The following PML variants were observed in gnomAD, a reference collection of about 807,000 sequenced individuals.
PML encodes the protein PML nuclear body scaffold, also known as protein PML.
In PML, 28 loss-of-function variants were observed where a neutral mutation model predicts 65.2. The ratio of observed to expected loss-of-function variants is 0.43; its 90% CI spans 0.32 to 0.59. PML has a LOEUF of 0.59. Ranked by LOEUF, PML falls within the 20% of genes least tolerant of loss-of-function variation. The probability of loss-of-function intolerance (pLI) is 0.08; values close to 1 mark genes in which losing one functional copy is unlikely to be tolerated. For synonymous variants in PML, 500 were observed against 508.8 expected (o/e 0.98, Z 0.23); for missense variants, 1,021 against 1,203.4 (o/e 0.85, Z 2.24).
In PML at chr15:74,034,471, G is replaced by A. The variant is rs1472449256; in HGVS notation, c.1658-7G>A. On this transcript the variant is annotated splice_polypyrimidine_tract_variant and splice_region_variant and intron_variant, in intron 6 of 8. Transcript: ENST00000268058. ...GTTCATAATGCATCTCCCCTTCCCCGTTTCAGAGGAACGCGTTGTGGTGAT... is the reference window on the plus strand; with the variant it reads ...GTTCATAATGCATCTCCCCTTCCCCATTTCAGAGGAACGCGTTGTGGTGAT... 1.3e-5 allele frequency: 21 copies of A among 1,614,076 alleles called. No individual in the cohort carries two copies. The highest frequency in any genetic ancestry group is 1.6e-5 in the Non-Finnish European group (19 of 1,180,006).
At chr15:74,026,623 A>C (rs149914107) in intron 4 of PML, 1 of 152,206 alleles carries the variant, frequency 6.6e-6, no homozygotes, top group Admixed American at 6.5e-5. Flanking sequence ...CTCCCACTTT[A>C]GCCCCCAGTT....
In PML at chr15:74,045,155, C is replaced by A; in HGVS notation, c.*147C>A. On this transcript the variant is annotated 3_prime_UTR_variant, in exon 9 of 9. Coordinates refer to ENST00000268058, the MANE Select transcript of PML (RefSeq NM_033238.3). ...CAGAATCAGTTCCCTTTCTCTGGGA[C>A]CAAATTTCCCTTCTCTAAACATCCT... is the stretch of plus-strand genomic sequence containing the variant. 3 of 720,310 alleles carry A rather than the reference C, an allele frequency of 4.2e-6. No individual in the cohort carries two copies. Among genetic ancestry groups the A allele is most frequent in the South Asian group, 3.8e-5 (2 of 52,452 alleles). 44.6% of individuals were successfully genotyped at this position (720,310 alleles called of 1,614,324 possible). A position where few individuals can be genotyped will look rare whatever the true frequency, so the allele number is the denominator to read the frequency against.
rs1054548926 is a variant in PML, at chr15:74,043,736, A to G, written c.1862-485A>G. 1.9e-6 allele frequency: 1 copy of G among 528,778 alleles called. No homozygotes were observed. Among genetic ancestry groups the G allele is most frequent in the African/African-American group, 1.9e-5 (1 of 52,370 alleles). 32.8% of individuals were successfully genotyped at this position (528,778 alleles called of 1,614,324 possible). A position where few individuals can be genotyped will look rare whatever the true frequency, so the allele number is the denominator to read the frequency against. ...CAGAAACAGCAAGTGTTTTCATGGT[A>G]CAGAAAAGTCATTTGCAGACCTCAG... On this transcript the variant is annotated intron_variant, in intron 8 of 8. Coordinates refer to ENST00000268058, the MANE Select transcript of PML (RefSeq NM_033238.3). The surrounding 1 kb of genome is among the most constrained non-coding windows in gnomAD (Gnocchi z 4.3).
chr15:74,046,370 C>T lies in PML; in HGVS notation c.*1362C>T, dbSNP rs2071771306. ...CTTCCCATCCCTACTCATTAGCTCCCTGCTCCTGGGATGCTTCCCAAGCAG... is the reference window on the plus strand; with the variant it reads ...CTTCCCATCCCTACTCATTAGCTCCTTGCTCCTGGGATGCTTCCCAAGCAG... On this transcript the variant is annotated 3_prime_UTR_variant, in exon 9 of 9. Transcript: ENST00000268058. 4.3e-6 allele frequency: 1 copy of T among 233,120 alleles called. No homozygotes were observed. The allele number at this position is 233,120 out of a possible 1,614,324, so 14.4% of individuals were successfully genotyped here. A position where few individuals can be genotyped will look rare whatever the true frequency, so the allele number is the denominator to read the frequency against.
chr15:73,994,797 A>G lies in PML; in HGVS notation c.-16A>G, dbSNP rs2069387956. 6.4e-7 allele frequency: 1 copy of G among 1,551,618 alleles called. No homozygotes were observed. The highest frequency in any genetic ancestry group is 2.0e-5 in the Admixed American group (1 of 51,106). On this transcript the variant is annotated 5_prime_UTR_variant, in exon 1 of 9. Transcript: ENST00000268058. ...CTCCAAGATCTAAACCGAGAATCGAAACTAAGCTGGGGTCCATGGAGCCTG... is the reference window on the plus strand; with the variant it reads ...CTCCAAGATCTAAACCGAGAATCGAGACTAAGCTGGGGTCCATGGAGCCTG...
chr15:74,033,471 C>A, intron 6 of PML, 57 bp downstream of exon 6: 1 of 1,595,192 alleles, frequency 6.3e-7, no homozygotes, highest in Non-Finnish European at 8.5e-7. Flanking sequence ...CTGGGCGGTG[C>A]CCCTCTTCTG....
intron 7 of PML, chr15:74,034,854 G>T: frequency 7.0e-7 from 1 of 1,438,228 alleles, no homozygotes; most frequent in South Asian, 1.5e-5. Context: ...TCCTCAGTGA[G>T]GAGGGCTGGA....
At chr15:74,027,779 T>C in intron 4 of PML, 1 of 152,138 alleles carries the variant, frequency 6.6e-6, no homozygotes, top group Non-Finnish European at 1.5e-5. Context: ...TATCAGAGGG[T>C]TGCTCTTTTT....
At position 74,033,318 on chromosome 15, in the gene PML, C is replaced by T. The variant is rs1463802797; in HGVS notation, c.1561C>T (p.His521Tyr). The change falls in exon 6 of 9, where the codon CAC (histidine) becomes TAC (tyrosine). Residue 521 changes from histidine (H) to tyrosine (Y), a missense_variant. Physicochemically the swap from His to Tyr is moderately conservative, Grantham distance 83. Transcript: ENST00000268058. ...PSTSKAVSPP[H>Y]LDGPPSPRSP... ...CACCTCCAAGGCAGTCTCACCACCCCACCTGGATGGACCGCCTAGCCCCAG... is the reference window on the plus strand; with the variant it reads ...CACCTCCAAGGCAGTCTCACCACCCTACCTGGATGGACCGCCTAGCCCCAG... The T allele has an allele frequency of 2.5e-6, 4 of 1,614,086 alleles. No homozygotes were observed. The highest frequency in any genetic ancestry group is 2.7e-5 in the African/African-American group (2 of 74,932).
chr15:74,025,539 G>A (rs1460833114), intron 4 of PML: 2 of 159,088 alleles, frequency 1.3e-5, no homozygotes, highest in Admixed American at 1.2e-4. Context: ...ACTGTCTCAG[G>A]GTTCAAGGTA....
At chr15:74,000,650 C>T (rs1037862557) in intron 2 of PML, among the ~76,000 whole-genome samples, 1 of 152,118 alleles carries the variant, frequency 6.6e-6, no homozygotes, top group African/African-American at 2.4e-5. Context: ...CTTATAATGC[C>T]TAATACAATG....
At chr15:74,001,620 C>T (rs545731038) in intron 2 of PML, among the ~76,000 whole-genome samples, 149 of 152,290 alleles carry the variant, frequency 9.8e-4, no homozygotes, top group Non-Finnish European at 1.3e-3. Flanking sequence ...GGATTACAGG[C>T]GTGAGCTACA....
intron 6 of PML, chr15:74,034,219 T>C: frequency 1.8e-6 from 1 of 549,706 alleles, no homozygotes; most frequent in East Asian, 3.2e-5. Context: ...GGGCAAATTC[T>C]GAATTCTGGG....
chr15:74,044,746 G>A lies in PML; in HGVS notation c.2387G>A (p.Arg796His), dbSNP rs188674537. 2.7e-4 allele frequency: 428 copies of A among 1,612,008 alleles called. 2 individuals carry two copies. The Middle Eastern group carries it at 0.01, about 38-fold the overall frequency. ...QAAVLPRAEA[R>H]LLALHNVSFM... ...GCTGTGCTGCCCCGGGCTGAGGCCC[G>A]CCTCCTGGCCCTACACAACGTGAGC... Residue 796 changes from arginine (R) to histidine (H), a missense_variant, in exon 9 of 9, where the codon CGC (arginine) becomes CAC (histidine). Physicochemically the swap from Arg to His is conservative, Grantham distance 29 (BLOSUM62 0). Coordinates refer to ENST00000268058, the MANE Select transcript of PML (RefSeq NM_033238.3).
chr15:74,023,472 C>A, intron 3 of PML, 64 bp downstream of exon 3: 2 of 1,247,932 alleles, frequency 1.6e-6, no homozygotes, highest in Non-Finnish European at 2.3e-6. Context: ...GAAGGCGAGT[C>A]AGAAGAGATC....
Position 74,037,370 on chromosome 15 carries a change from C to G in PML, c.1710+2840C>G. 2 of 985,272 alleles carry G rather than the reference C, an allele frequency of 2.0e-6. No homozygotes were observed. Among genetic ancestry groups the G allele is most frequent in the South Asian group, 9.4e-5 (2 of 21,292 alleles). The allele number at this position is 985,272 out of a possible 1,614,324, so 61.0% of individuals were successfully genotyped here. A position where few individuals can be genotyped will look rare whatever the true frequency, so the allele number is the denominator to read the frequency against. ...ATGTCCACCTGCCTCCAGGACTCAC[C>G]CTGTGTCCTGGCCCCAGCCCTTGAC... On this transcript the variant is annotated intron_variant, in intron 7 of 8. Coordinates refer to ENST00000268058, the MANE Select transcript of PML (RefSeq NM_033238.3). The surrounding 1 kb of genome is among the most constrained non-coding windows in gnomAD (Gnocchi z 4.2).
chr15:74,042,877 C>A lies in PML; in HGVS notation c.1711-112C>A. ...ACACGTCCCCTTTCCCAGTGGTACA[C>A]CCTCCTTCATGTGCACGCAGATGCT... is the stretch of plus-strand genomic sequence containing the variant. On this transcript the variant is annotated intron_variant, in intron 7 of 8. Coordinates refer to ENST00000268058, the MANE Select transcript of PML (RefSeq NM_033238.3). The surrounding 1 kb of genome is among the most constrained non-coding windows in gnomAD (Gnocchi z 5.3). The A allele has an allele frequency of 2.0e-6, 3 of 1,519,216 alleles. No individual in the cohort carries two copies. The highest frequency in any genetic ancestry group is 1.7e-5 in the Admixed American group (1 of 58,074). The allele number at this position is 1,519,216 out of a possible 1,614,324, so 94.1% of individuals were successfully genotyped here.
intron 2 of PML, among the ~76,000 whole-genome samples, chr15:74,013,863 G>A (rs989412876): frequency 4.6e-5 from 7 of 151,974 alleles, no homozygotes; most frequent in African/African-American, 9.7e-5. Flanking sequence ...AACATTTACC[G>A]GCATGTAAAT....
intron 2 of PML, among the ~76,000 whole-genome samples, chr15:74,020,760 T>C (rs1282384635): frequency 6.6e-6 from 1 of 152,138 alleles, no homozygotes; most frequent in East Asian, 1.9e-4. Context: ...AACGTTTTCT[T>C]GCCTTTCCCA....
Sources: allele counts gnomAD v4.1 joint callset (sites outside exome capture counted in the v4.1 genomes callset), GRCh38; gene constraint gnomAD v4.1.1; non-coding constraint Gnocchi (gnomAD v3.1); transcripts MANE v1.5; gene names NCBI Gene and HGNC (gene_info 2026-07-23, HGNC 2026-07-21).